Variants in PCSK9 observed in about 807,000 individuals in gnomAD.
PCSK9 encodes the protein proprotein convertase subtilisin/kexin type 9.
Under a neutral mutation model 62.1 loss-of-function variants are expected in PCSK9, and 57 were observed. The ratio of observed to expected loss-of-function variants is 0.92; its 90% CI spans 0.74 to 1.14. The LOEUF (loss-of-function observed/expected upper bound fraction) is 1.14, where lower values mean the gene tolerates loss of function less well. Among genes scored for constraint, PCSK9 ranks in the 50% most tolerant of loss-of-function variants. The pLI is 0.00. For missense variants in PCSK9, 870 were observed against 959.8 expected (o/e 0.91, Z 1.24); for synonymous variants, 387 against 409.4 (o/e 0.95, Z 0.66).
chr1:55,044,642 C>T (rs961307031), intron 2 of PCSK9, among the ~76,000 whole-genome samples: 3 of 152,186 alleles, frequency 2.0e-5, no homozygotes, highest in East Asian at 1.9e-4. Flanking sequence ...TAGCCCACCT[C>T]GTTTCCTGGC....
chr1:55,059,739 C>T, intron 10 of PCSK9, 76 bp downstream of exon 10: 1 of 1,502,752 alleles, frequency 6.7e-7, no homozygotes, highest in Non-Finnish European at 9.0e-7. Context: ...GAGGCTTGGT[C>T]CTCACAAGTG....
chr1:55,043,446 G>T (rs1289359266), intron 1 of PCSK9, among the ~76,000 whole-genome samples: 1 of 151,752 alleles, frequency 6.6e-6, no homozygotes, highest in Non-Finnish European at 1.5e-5. Flanking sequence ...CAGGTCCACG[G>T]TTTCCTGGCT....
At chr1:55,049,558 C>T (rs1452072724) in intron 3 of PCSK9, among the ~76,000 whole-genome samples, 2 of 152,230 alleles carry the variant, frequency 1.3e-5, no homozygotes, top group East Asian at 3.9e-4. Flanking sequence ...AGGGAACTAG[C>T]AGCCCCTGCC....
intron 9 of PCSK9, 152 bp downstream of exon 9, chr1:55,058,799 C>A: frequency 1.4e-6 from 2 of 1,464,954 alleles, no homozygotes; most frequent in South Asian, 2.5e-5. Context: ...CAGGGCTGGC[C>A]AGACCAGGAG....
At chr1:55,048,140 G>A (rs899766882) in intron 3 of PCSK9, among the ~76,000 whole-genome samples, 2 of 152,092 alleles carry the variant, frequency 1.3e-5, no homozygotes, top group Admixed American at 1.3e-4. Context: ...ACTTTCTCCC[G>A]GGGGGCTCCA....
chr1:55,055,807 C>A (rs1644709797), intron 5 of PCSK9, among the ~76,000 whole-genome samples, 186 bp from the exon 6 acceptor site: 1 of 152,230 alleles, frequency 6.6e-6, no homozygotes, highest in Non-Finnish European at 1.5e-5. Flanking sequence ...CTTACTCCGT[C>A]TTCTGATTTA....
At chr1:55,055,223 C>T (rs536512341) in intron 5 of PCSK9, among the ~76,000 whole-genome samples, 16 of 152,288 alleles carry the variant, frequency 1.1e-4, no homozygotes, top group African/African-American at 3.1e-4. Flanking sequence ...CGGGGCCACA[C>T]AGCTGGTGAG....
At chr1:55,045,699 ATT>A (rs373507733) in intron 2 of PCSK9, among the ~76,000 whole-genome samples, 29 of 139,806 alleles carry the variant, frequency 2.1e-4, no homozygotes, top group Admixed American at 2.9e-4. Context: ...GATGCACACC[ATT>A]TTTTTTTTTT....
In PCSK9 at chr1:55,039,926, C is replaced by T; in HGVS notation, c.89C>T (p.Ala30Val). 1.3e-6 allele frequency: 2 copies of T among 1,570,254 alleles called. No individual in the cohort carries two copies. Among genetic ancestry groups the T allele is most frequent in the Non-Finnish European group, 1.7e-6 (2 of 1,158,850 alleles). Reference protein sequence around the residue: ...LLLLGPAGARAQEDEDGDYEE... With the variant: ...LLLLGPAGARVQEDEDGDYEE... ...CTCCTGGGTCCCGCGGGCGCCCGTG[C>T]GCAGGAGGACGAGGACGGCGACTAC... Residue 30 changes from alanine (A) to valine (V), a missense_variant, in exon 1 of 12, where the codon GCG becomes GTG. Coordinates refer to ENST00000302118, the MANE Select transcript of PCSK9 (RefSeq NM_174936.4).
intron 3 of PCSK9, among the ~76,000 whole-genome samples, chr1:55,049,159 G>A (rs995645453): frequency 2.0e-5 from 3 of 152,218 alleles, no homozygotes; most frequent in Non-Finnish European, 2.9e-5. Flanking sequence ...TGGAGGAAGC[G>A]CTGTTCTAGC....
intron 6 of PCSK9, among the ~76,000 whole-genome samples, chr1:55,056,883 TG>T (rs1644719305): frequency 6.6e-6 from 1 of 152,016 alleles, no homozygotes; most frequent in African/African-American, 2.4e-5. Context: ...GCGCGCGCGT[TG>T]GGGGTGGGGG....
In PCSK9 at chr1:55,063,729, G is replaced by A; in HGVS notation, c.*145G>A. ...TCCGCCTTTCCGGGGCTGCTGGCCTGGCCCTTGAGTGGGGCAGCCTCCTTG... is the reference window on the plus strand; with the variant it reads ...TCCGCCTTTCCGGGGCTGCTGGCCTAGCCCTTGAGTGGGGCAGCCTCCTTG... On this transcript the variant is annotated 3_prime_UTR_variant, in exon 12 of 12. Transcript: ENST00000302118. The A allele has an allele frequency of 9.8e-7, 1 of 1,024,580 alleles. No individual in the cohort carries two copies. The highest frequency in any genetic ancestry group is 1.4e-6 in the Non-Finnish European group (1 of 720,442). The allele number at this position is 1,024,580 out of a possible 1,614,324, so 63.5% of individuals were successfully genotyped here.
chr1:55,062,225 A>G (rs1644765394), intron 11 of PCSK9, among the ~76,000 whole-genome samples: 1 of 152,238 alleles, frequency 6.6e-6, no homozygotes, highest in African/African-American at 2.4e-5. Flanking sequence ...AACTCTCCTT[A>G]AAAGCCAGTA....
chr1:55,043,623 T>C (rs1024677257), intron 1 of PCSK9, among the ~76,000 whole-genome samples: 3 of 152,240 alleles, frequency 2.0e-5, no homozygotes, highest in Non-Finnish European at 2.9e-5. Flanking sequence ...TTTGCCTGAA[T>C]GGCACATTTG....
chr1:55,044,232 G>A (rs1183483152), intron 2 of PCSK9, among the ~76,000 whole-genome samples, 198 bp downstream of exon 2: 1 of 152,184 alleles, frequency 6.6e-6, no homozygotes, highest in Non-Finnish European at 1.5e-5. Flanking sequence ...ATGCCCCAGT[G>A]GTACGTCTAT....
intron 5 of PCSK9, 146 bp downstream of exon 5, chr1:55,052,937 G>C: frequency 7.2e-7 from 1 of 1,395,252 alleles, no homozygotes; most frequent in Non-Finnish European, 9.8e-7. Flanking sequence ...AGAGTGCCAA[G>C]GCTGGCAGGG....
Position 55,052,087 on chromosome 1 carries a change from C to T in PCSK9, c.524-191C>T. On this transcript the variant is annotated intron_variant, in intron 3 of 11. Coordinates refer to ENST00000302118, the MANE Select transcript of PCSK9 (RefSeq NM_174936.4). ...ACAGTTACCTGCCCTCTCTAGGCCT[C>T]CCTTTCCTTGTCTATGAAATACATT... 4 of 823,204 alleles carry T rather than the reference C, an allele frequency of 4.9e-6. No homozygotes were observed. In the South Asian group the frequency reaches 6.4e-5, roughly 13 times the overall value. 51.0% of individuals were successfully genotyped at this position (823,204 alleles called of 1,614,324 possible).
At chr1:55,050,835 A>G (rs10888898) in intron 3 of PCSK9, 185,187 of 297,830 alleles carry the variant, frequency 0.62, 59,109 homozygotes, top group East Asian at 0.82. Context: ...CCTGTGAGCC[A>G]GACCTTATTT....
At chr1:55,052,102 T>G in intron 3 of PCSK9, 176 bp from the exon 4 acceptor site, 4 of 904,054 alleles carry the variant, frequency 4.4e-6, no homozygotes, top group Non-Finnish European at 7.0e-6. Context: ...TCCTTGTCTA[T>G]GAAATACATT....
Sources: gnomAD v4.1 joint callset for allele counts (sites outside exome capture counted in the v4.1 genomes callset) on GRCh38, gnomAD v4.1.1 for gene constraint, MANE v1.5 for transcripts, NCBI Gene and HGNC (gene_info 2026-07-23, HGNC 2026-07-21) for gene names.